Variants in CTNNA2 observed in about 807,000 individuals in gnomAD.
CTNNA2 encodes catenin alpha 2.
Under a neutral mutation model 101.0 loss-of-function variants are expected in CTNNA2, and 42 were observed. The observed-to-expected ratio is 0.42, with a 90% CI of 0.32 to 0.54. The LOEUF is 0.54. Ranked by LOEUF, CTNNA2 falls within the 20% of genes least tolerant of loss-of-function variation. The pLI is 0.14. For missense variants in CTNNA2, 871 were observed against 1,223.1 expected (o/e 0.71, Z 4.29); for synonymous variants, 450 against 456.4 (o/e 0.99, Z 0.18).
At chr2:79,695,136 C>A (rs1684577952) in intron 2 of CTNNA2, among the ~76,000 whole-genome samples, 1 of 149,616 alleles carries the variant, frequency 6.7e-6, no homozygotes, top group South Asian at 2.1e-4. Context: ...TTTTAAAAAA[C>A]TGCTAAGCTC....
chr2:80,361,086 T>G (rs1674360208), intron 7 of CTNNA2, among the ~76,000 whole-genome samples: 1 of 152,080 alleles, frequency 6.6e-6, no homozygotes, highest in Non-Finnish European at 1.5e-5. Flanking sequence ...TCCAACCCCT[T>G]TATTTTGTTC....
chr2:80,017,104 C>T (rs1558731723), intron 7 of CTNNA2, among the ~76,000 whole-genome samples: 1 of 152,092 alleles, frequency 6.6e-6, no homozygotes, highest in Non-Finnish European at 1.5e-5. Context: ...CTGAAGTTTT[C>T]TGTATTTTGC....
chr2:79,305,774 G>A (rs947213826), intron 2 of CTNNA2, among the ~76,000 whole-genome samples: 31 of 151,992 alleles, frequency 2.0e-4, no homozygotes, highest in African/African-American at 7.0e-4. Flanking sequence ...GGCCGGGTGC[G>A]GTGGATTATG....
At chr2:80,346,516 A>G (rs1294711937) in intron 7 of CTNNA2, among the ~76,000 whole-genome samples, 1 of 152,170 alleles carries the variant, frequency 6.6e-6, no homozygotes, top group Admixed American at 6.5e-5. Context: ...ACCCTCCAAC[A>G]TTGGGGATTA....
At position 79,874,285 on chromosome 2, in the gene CTNNA2, C is replaced by A; in HGVS notation, c.795C>A (p.Asp265Glu). 2 of 1,614,028 alleles carry A rather than the reference C, an allele frequency of 1.2e-6. No individual in the cohort carries two copies. Among genetic ancestry groups the A allele is most frequent in the Non-Finnish European group, 1.7e-6 (2 of 1,180,040 alleles). Residue 265 changes from aspartate (D) to glutamate (E), a missense_variant, in exon 6 of 19, where the codon GAC becomes GAA. By Grantham distance (45) the Asp-to-Glu change is conservative. This residue lies in a region of CTNNA2 where 647 missense variants were observed against 831.5 expected (regional missense o/e 0.78). Coordinates refer to ENST00000402739, the MANE Select transcript of CTNNA2 (RefSeq NM_001282597.3). Reference protein sequence around the residue: ...SNAAQATSPTDEAKGHTGIGE... With the variant: ...SNAAQATSPTEEAKGHTGIGE... The stretch of plus-strand genomic sequence containing the variant: ...CTGCTCAAGCTACCTCGCCCACTGA[C>A]GAAGCCAAGGGCCACACGGGCATCG...
intron 7 of CTNNA2, among the ~76,000 whole-genome samples, chr2:80,250,638 GAGAGGTTA>G (rs1284010812): frequency 6.6e-6 from 1 of 152,120 alleles, no homozygotes; most frequent in Non-Finnish European, 1.5e-5. Flanking sequence ...TGGGCCAGTG[GAGAGGTTA>G]GTAAGTGTCA....
At chr2:79,596,299 T>C (rs951083766) in intron 1 of CTNNA2, among the ~76,000 whole-genome samples, 1 of 151,904 alleles carries the variant, frequency 6.6e-6, no homozygotes, top group Non-Finnish European at 1.5e-5. Context: ...GTTTGTCTCA[T>C]TGGAGCTCAG....
chr2:79,874,406 T>G, intron 6 of CTNNA2, 64 bp downstream of exon 6: 1 of 1,526,094 alleles, frequency 6.6e-7, no homozygotes, highest in East Asian at 2.3e-5. Context: ...AAAAAATGTA[T>G]TGAGGATGAA....
intron 6 of CTNNA2, among the ~76,000 whole-genome samples, chr2:79,898,304 T>G (rs1245854954): frequency 6.6e-6 from 1 of 152,012 alleles, no homozygotes; most frequent in Non-Finnish European, 1.5e-5. Context: ...CAGGTAAGTT[T>G]TTTTTTATTT....
chr2:80,323,127 C>A (rs906675156), intron 7 of CTNNA2, among the ~76,000 whole-genome samples: 2 of 152,232 alleles, frequency 1.3e-5, no homozygotes, highest in South Asian at 2.1e-4. Context: ...TCACTGCACA[C>A]TGGTCGCACC....
intron 1 of CTNNA2, among the ~76,000 whole-genome samples, chr2:79,577,402 G>A (rs1041502920): frequency 3.3e-5 from 5 of 151,972 alleles, no homozygotes; most frequent in African/African-American, 1.2e-4. Flanking sequence ...TCGAAGACAT[G>A]GTTTTCATTT....
chr2:80,185,814 T>C (rs527930551), intron 7 of CTNNA2, among the ~76,000 whole-genome samples: 1 of 152,306 alleles, frequency 6.6e-6, no homozygotes, highest in African/African-American at 2.4e-5. Context: ...CCTGGGCCAG[T>C]GCACTTATCC....
intron 2 of CTNNA2, among the ~76,000 whole-genome samples, chr2:79,210,490 G>A (rs7566994): frequency 0.31 from 47,530 of 151,664 alleles, 8,670 homozygotes; most frequent in African/African-American, 0.5. Flanking sequence ...CACAGTGTGT[G>A]TGAGAGAGGT....
intron 7 of CTNNA2, among the ~76,000 whole-genome samples, chr2:80,234,378 G>C (rs774646627): frequency 6.6e-6 from 1 of 152,170 alleles, no homozygotes; most frequent in Non-Finnish European, 1.5e-5. Flanking sequence ...ATTAATCTTC[G>C]TAGAACCTTT....
intron 1 of CTNNA2, chr2:79,649,340 A>G (rs1681051655): frequency 6.5e-6 from 1 of 154,764 alleles, no homozygotes; most frequent in South Asian, 2.0e-4. Context: ...TACAATGACC[A>G]TGACTGAGTA....
chr2:79,882,694 G>T (rs1453699020), intron 6 of CTNNA2, among the ~76,000 whole-genome samples: 1 of 152,314 alleles, frequency 6.6e-6, no homozygotes, highest in African/African-American at 2.4e-5. Context: ...AGCATAAATG[G>T]CTTAGACAGC....
intron 2 of CTNNA2, among the ~76,000 whole-genome samples, chr2:79,718,782 G>A (rs1218810443): frequency 6.6e-6 from 1 of 150,852 alleles, no homozygotes; most frequent in Non-Finnish European, 1.5e-5. Flanking sequence ...TAGGAGAGTT[G>A]GTAAATGTAC....
intron 3 of CTNNA2, among the ~76,000 whole-genome samples, chr2:79,365,691 GGTTTTTT>G (rs1323192805): frequency 6.6e-6 from 1 of 151,612 alleles, no homozygotes; most frequent in African/African-American, 2.4e-5. Context: ...GATGATTCCA[GGTTTTTT>G]GTTTTTTGTT....
chr2:79,600,617 CAATGA>C (rs878956018), intron 1 of CTNNA2, among the ~76,000 whole-genome samples: 9 of 151,866 alleles, frequency 5.9e-5, no homozygotes, highest in Admixed American at 5.9e-4. Flanking sequence ...ATATAAATAA[CAATGA>C]AATATCCTTT....
Sources: allele counts gnomAD v4.1 joint callset (sites outside exome capture counted in the v4.1 genomes callset), GRCh38; gene constraint gnomAD v4.1.1; regional missense constraint gnomAD v4.1.1; transcripts MANE v1.5; gene names NCBI Gene and HGNC (gene_info 2026-07-23, HGNC 2026-07-21).